RNF182: variants seen among roughly 807,000 people sequenced by gnomAD.
RNF182 encodes the protein E3 ubiquitin-protein ligase RNF182.
In RNF182, 15 loss-of-function variants were observed where a neutral mutation model predicts 14.4. The observed-to-expected ratio is 1.04, with a 90% CI of 0.70 to 1.60. The LOEUF is 1.60. Ranked by LOEUF, RNF182 falls within the 40% of genes most tolerant of loss-of-function variation. The pLI is 0.00. For synonymous variants in RNF182, 128 were observed against 122.9 expected (o/e 1.04, Z -0.27); for missense variants, 268 against 294.8 (o/e 0.91, Z 0.67).
At chr6:13,949,351 T>A (rs1436791827) in intron 1 of RNF182, 3 of 767,560 alleles carry the variant, frequency 3.9e-6, no homozygotes, top group African/African-American at 3.4e-5. Flanking sequence ...TGCTTCCAAG[T>A]GTCCTGAAGC....
At chr6:13,974,624 C>T (rs1020214918) in intron 2 of RNF182, among the ~76,000 whole-genome samples, 13 of 152,140 alleles carry the variant, frequency 8.5e-5, no homozygotes, top group South Asian at 2.1e-4. Flanking sequence ...TAAAGTGTTA[C>T]TGCTACTCTT....
intron 1 of RNF182, among the ~76,000 whole-genome samples, chr6:13,971,087 CT>C (rs1760166612): frequency 6.6e-6 from 1 of 152,064 alleles, no homozygotes. Context: ...TGCTTGGACA[CT>C]GTTTTTTCTT....
At chr6:13,966,864 G>C (rs1024070531) in intron 1 of RNF182, among the ~76,000 whole-genome samples, 3 of 146,876 alleles carry the variant, frequency 2.0e-5, no homozygotes, top group Non-Finnish European at 4.4e-5. Flanking sequence ...TTTCAAACAT[G>C]CTCTCTCTGT....
intron 1 of RNF182, among the ~76,000 whole-genome samples, chr6:13,947,944 A>G (rs1759480490): frequency 6.6e-6 from 1 of 152,194 alleles, no homozygotes; most frequent in East Asian, 1.9e-4. Context: ...ATAGTTTCCA[A>G]ATTTGGGAGA....
intron 1 of RNF182, among the ~76,000 whole-genome samples, chr6:13,927,805 T>G (rs1291434783): frequency 6.6e-6 from 1 of 152,262 alleles, no homozygotes; most frequent in African/African-American, 2.4e-5. Context: ...GTGCAATGTG[T>G]TGTAGCATTT....
intron 1 of RNF182, among the ~76,000 whole-genome samples, chr6:13,963,802 C>G (rs1561785434): frequency 6.6e-6 from 1 of 152,122 alleles, no homozygotes; most frequent in Non-Finnish European, 1.5e-5. Context: ...AAAACAGATT[C>G]CTCTACTTGT....
intron 1 of RNF182, among the ~76,000 whole-genome samples, chr6:13,951,356 CCCA>C (rs1464610263): frequency 1.3e-5 from 2 of 152,114 alleles, no homozygotes; most frequent in African/African-American, 4.8e-5. Context: ...AATTAAGAGC[CCCA>C]TTTTTATACT....
intron 1 of RNF182, among the ~76,000 whole-genome samples, chr6:13,940,445 G>A (rs554641389): frequency 1.4e-4 from 21 of 152,260 alleles, no homozygotes; most frequent in African/African-American, 4.8e-4. Flanking sequence ...ATTGGTGTAA[G>A]TAGCTGAATA....
chr6:13,948,881 GACAA>G (rs201989313), intron 1 of RNF182, among the ~76,000 whole-genome samples: 1,656 of 151,494 alleles, frequency 0.011, 33 homozygotes, highest in African/African-American at 0.038. Flanking sequence ...TTATTCAAAA[GACAA>G]ACAAAAATCT....
intron 1 of RNF182, among the ~76,000 whole-genome samples, chr6:13,937,026 A>G (rs2113589381): frequency 6.6e-6 from 1 of 152,308 alleles, no homozygotes; most frequent in African/African-American, 2.4e-5. Context: ...TATGTTGAGC[A>G]GGAGAGTAAA....
chr6:13,942,720 TA>T (rs1348910007), intron 1 of RNF182, among the ~76,000 whole-genome samples: 1 of 152,200 alleles, frequency 6.6e-6, no homozygotes, highest in Non-Finnish European at 1.5e-5. Context: ...CTCCTAGAAG[TA>T]CAATTTTATA....
At chr6:13,949,958 C>T (rs1374374058) in intron 1 of RNF182, among the ~76,000 whole-genome samples, 1 of 152,162 alleles carries the variant, frequency 6.6e-6, no homozygotes, top group Non-Finnish European at 1.5e-5. Context: ...ATTTCTTTTA[C>T]AAGATTAATT....
chr6:13,966,859 A>G (rs1013934053), intron 1 of RNF182, among the ~76,000 whole-genome samples: 9 of 142,718 alleles, frequency 6.3e-5, no homozygotes, highest in South Asian at 2.2e-4. Flanking sequence ...TGTGTTTTCA[A>G]ACATGCTCTC....
intron 1 of RNF182, among the ~76,000 whole-genome samples, chr6:13,931,541 T>G (rs1224573473): frequency 6.6e-6 from 1 of 152,156 alleles, no homozygotes; most frequent in Non-Finnish European, 1.5e-5. Context: ...CATACTTTCC[T>G]TGATAACTCC....
intron 1 of RNF182, among the ~76,000 whole-genome samples, chr6:13,950,314 G>A (rs906204994): frequency 8.6e-5 from 13 of 151,972 alleles, no homozygotes; most frequent in Non-Finnish European, 1.9e-4. Flanking sequence ...ACATCTCAAG[G>A]CCTTACCTGG....
At chr6:13,934,824 G>C (rs192392962) in intron 1 of RNF182, among the ~76,000 whole-genome samples, 38 of 152,268 alleles carry the variant, frequency 2.5e-4, no homozygotes, top group African/African-American at 9.1e-4. Flanking sequence ...TAGATTAAAG[G>C]GTAAGGTAAC....
chr6:13,953,911 A>G (rs150005890), intron 1 of RNF182, among the ~76,000 whole-genome samples: 3 of 152,330 alleles, frequency 2.0e-5, no homozygotes, highest in Admixed American at 1.3e-4. Flanking sequence ...TTGGTTAATG[A>G]ATGAATATAC....
At chr6:13,976,479 C>T (rs1307862267) in intron 2 of RNF182, among the ~76,000 whole-genome samples, 2 of 152,134 alleles carry the variant, frequency 1.3e-5, no homozygotes, top group Non-Finnish European at 2.9e-5. Flanking sequence ...TTGTGTATTC[C>T]TAAGCACTAT....
chr6:13,965,470 A>T (rs1397148322), intron 1 of RNF182, among the ~76,000 whole-genome samples: 3 of 152,226 alleles, frequency 2.0e-5, no homozygotes, highest in African/African-American at 7.2e-5. Context: ...AAATTCAAAT[A>T]GCTTATTAAG....
Sources: gnomAD v4.1 joint callset for allele counts (sites outside exome capture counted in the v4.1 genomes callset) on GRCh38, gnomAD v4.1.1 for gene constraint, MANE v1.5 for transcripts, NCBI Gene and HGNC (gene_info 2026-07-23, HGNC 2026-07-21) for gene names.